Variants in CCDC71L observed in about 807,000 individuals in gnomAD.
CCDC71L encodes the protein coiled-coil domain containing 71 like.
A neutral mutation model predicts 10.2 loss-of-function variants in CCDC71L; 6 were observed. The observed-to-expected ratio is 0.59, with a 90% CI of 0.32 to 1.16. The LOEUF is 1.16. Among genes scored for constraint, CCDC71L ranks in the 50% most tolerant of loss-of-function variants. The pLI is 0.05. For missense variants in CCDC71L, 366 were observed against 383.4 expected (o/e 0.95, Z 0.38); for synonymous variants, 204 against 175.5 (o/e 1.16, Z -1.28).
In CCDC71L at chr7:106,660,629, G is replaced by T. The variant is rs1452339001; in HGVS notation, c.268C>A (p.Pro90Thr). 1 of 1,590,260 alleles carries T rather than the reference G, an allele frequency of 6.3e-7. No individual in the cohort carries two copies. Among genetic ancestry groups the T allele is most frequent in the African/African-American group, 1.3e-5 (1 of 74,136 alleles). ...FLCSLKHQFSPHILRSKDVYG... is the reference protein window; with the variant it reads ...FLCSLKHQFSTHILRSKDVYG... ...ACGTCCTTGCTGCGCAGGATGTGCG[G>T]GGAGAACTGGTGCTTGAGGCTGCAG... Residue 90 changes from proline to threonine, a missense_variant, in exon 1 of 1, where the codon CCG becomes ACG. Transcript: ENST00000523505. This position sits in a 1 kb window ranked among gnomAD's most constrained non-coding sequence, Gnocchi z 7.5.
chr7:106,660,433 G>A lies in CCDC71L; in HGVS notation c.464C>T (p.Pro155Leu), dbSNP rs1792571815. Residue 155 changes from proline to leucine, a missense_variant, in exon 1 of 1, where the codon CCG becomes CTG. Pro to Leu is a moderately conservative substitution (Grantham distance 98, BLOSUM62 -3). Coordinates refer to ENST00000523505, the MANE Select transcript of CCDC71L (RefSeq NM_175884.6). The surrounding 1 kb of genome is among the most constrained non-coding windows in gnomAD (Gnocchi z 7.5). Reference protein sequence around the residue: ...RKPRPPPPPPPPPEESCPAKP... With the variant: ...RKPRPPPPPPLPPEESCPAKP... Reference sequence around the variant, plus strand: ...GGCCGGGCAGCTCTCCTCGGGGGGCGGCGGCGGTGGGGGTGGCGGCCGGGG... The same window carrying A: ...GGCCGGGCAGCTCTCCTCGGGGGGCAGCGGCGGTGGGGGTGGCGGCCGGGG... The A allele has an allele frequency of 3.6e-5, 45 of 1,235,494 alleles. No homozygotes were observed. Among genetic ancestry groups the A allele is most frequent in the Non-Finnish European group, 4.5e-5 (45 of 990,686 alleles). 76.5% of individuals were successfully genotyped at this position (1,235,494 alleles called of 1,614,324 possible). A position where few individuals can be genotyped will look rare whatever the true frequency, so the allele number is the denominator to read the frequency against.
At position 106,660,171 on chromosome 7, in the gene CCDC71L, C is replaced by G; in HGVS notation, c.*18G>C. 1 of 1,513,620 alleles carries G rather than the reference C, an allele frequency of 6.6e-7. No homozygotes were observed. The highest frequency in any genetic ancestry group is 8.8e-7 in the Non-Finnish European group (1 of 1,142,192). The allele number at this position is 1,513,620 out of a possible 1,614,324, so 93.8% of individuals were successfully genotyped here. ...TCCCAAGGTCGGGGCCGGCAGGAGG[C>G]GCCCTGGAGGCCGCACCTCATGCCC... On this transcript the variant is annotated 3_prime_UTR_variant, in exon 1 of 1. Transcript: ENST00000523505. The surrounding 1 kb of genome is among the most constrained non-coding windows in gnomAD (Gnocchi z 7.5).
rs973989119 is a variant in CCDC71L, at chr7:106,656,363, G to A, written c.*3826C>T. On this transcript the variant is annotated 3_prime_UTR_variant, in exon 1 of 1. Transcript: ENST00000523505. ...AGCCCTGCCCTTATTCTGTGGAACA[G>A]CCCATACCACTGGTACTCAAATGGA... Among the ~76,000 whole-genome samples the A allele has an allele frequency of 2.6e-5, 4 of 152,108 alleles. No individual in the cohort carries two copies. The highest frequency in any genetic ancestry group is 7.2e-5 in the African/African-American group (3 of 41,420).
At position 106,658,331 on chromosome 7, in the gene CCDC71L, T is replaced by C. The variant is rs1210613933; in HGVS notation, c.*1858A>G. The stretch of plus-strand genomic sequence containing the variant: ...TAGTGAATAAAAGACTGAGGCTTAC[T>C]AGAAAACTGGCATCAAGTTATATAT... On this transcript the variant is annotated 3_prime_UTR_variant, in exon 1 of 1. Coordinates refer to ENST00000523505, the MANE Select transcript of CCDC71L (RefSeq NM_175884.6). The C allele has an allele frequency of 2.0e-5, 3 of 152,188 alleles. No homozygotes were observed. The highest frequency in any genetic ancestry group is 1.9e-4 in the East Asian group (1 of 5,202). The allele number at this position is 152,188 out of a possible 1,614,324, so 9.4% of individuals were successfully genotyped here.
chr7:106,660,965 G>C lies in CCDC71L; in HGVS notation c.-69C>G. The C allele has an allele frequency of 7.7e-7, 1 of 1,298,154 alleles. No homozygotes were observed. The highest frequency in any genetic ancestry group is 9.8e-7 in the Non-Finnish European group (1 of 1,025,246). 80.4% of individuals were successfully genotyped at this position (1,298,154 alleles called of 1,614,324 possible). A position where few individuals can be genotyped will look rare whatever the true frequency, so the allele number is the denominator to read the frequency against. On this transcript the variant is annotated 5_prime_UTR_variant, in exon 1 of 1. Transcript: ENST00000523505. This position sits in a 1 kb window ranked among gnomAD's most constrained non-coding sequence, Gnocchi z 7.5. ...TGCCGCCGCCGTCCCAGTCCGCGTT[G>C]GCTCCGCGGCGGCGGCTGCTGCTGG...
chr7:106,659,210 T>C lies in CCDC71L; in HGVS notation c.*979A>G, dbSNP rs1021402984. 6 of 152,144 alleles carry C rather than the reference T, an allele frequency of 3.9e-5. No individual in the cohort carries two copies. Among genetic ancestry groups the C allele is most frequent in the African/African-American group, 1.4e-4 (6 of 41,444 alleles). 9.4% of individuals were successfully genotyped at this position (152,144 alleles called of 1,614,324 possible). On this transcript the variant is annotated 3_prime_UTR_variant, in exon 1 of 1. Transcript: ENST00000523505. ...CTTGTAAAATACATTACAAGGATAA[T>C]GTATTTTAAAATACTTTAACGCATA...
At position 106,658,874 on chromosome 7, in the gene CCDC71L, A is replaced by G. The variant is rs1048915283; in HGVS notation, c.*1315T>C. Reference sequence around the variant, plus strand: ...AAAGACCTAGAACTGCAAACATATAATGAGTGGCAAAAAGGTTAAAAAAAA... The same window carrying G: ...AAAGACCTAGAACTGCAAACATATAGTGAGTGGCAAAAAGGTTAAAAAAAA... On this transcript the variant is annotated 3_prime_UTR_variant, in exon 1 of 1. Transcript: ENST00000523505. 1 of 152,594 alleles carries G rather than the reference A, an allele frequency of 6.6e-6. No homozygotes were observed. The highest frequency in any genetic ancestry group is 6.5e-5 in the Admixed American group (1 of 15,280). 9.5% of individuals were successfully genotyped at this position (152,594 alleles called of 1,614,324 possible). A position where few individuals can be genotyped will look rare whatever the true frequency, so the allele number is the denominator to read the frequency against.
At position 106,660,915 on chromosome 7, in the gene CCDC71L, A is replaced by C. The variant is rs1792587133; in HGVS notation, c.-19T>G. On this transcript the variant is annotated 5_prime_UTR_variant, in exon 1 of 1. Coordinates refer to ENST00000523505, the MANE Select transcript of CCDC71L (RefSeq NM_175884.6). The surrounding 1 kb of genome is among the most constrained non-coding windows in gnomAD (Gnocchi z 7.5). ...GCCGCATCGAAGGCCGCTCCGGGCC[A>C]CTCACGCTCGCCGGGTCCCACTACT... The C allele has an allele frequency of 7.4e-7, 1 of 1,346,010 alleles. No individual in the cohort carries two copies. Among genetic ancestry groups the C allele is most frequent in the Non-Finnish European group, 9.5e-7 (1 of 1,052,484 alleles). The allele number at this position is 1,346,010 out of a possible 1,614,324, so 83.4% of individuals were successfully genotyped here.
rs1792542427 is a variant in CCDC71L, at chr7:106,659,161, A to C, written c.*1028T>G. ...TACACACATCCATCTCTCCTATGCA[A>C]CTCCCATTTTAAAATACATTATCCT... On this transcript the variant is annotated 3_prime_UTR_variant, in exon 1 of 1. Transcript: ENST00000523505. 1 of 151,996 alleles carries C rather than the reference A, an allele frequency of 6.6e-6. No homozygotes were observed. The highest frequency in any genetic ancestry group is 6.6e-5 in the Admixed American group (1 of 15,254). The allele number at this position is 151,996 out of a possible 1,614,324, so 9.4% of individuals were successfully genotyped here. A position where few individuals can be genotyped will look rare whatever the true frequency, so the allele number is the denominator to read the frequency against.
At position 106,660,162 on chromosome 7, in the gene CCDC71L, G is replaced by A. The variant is rs768180032; in HGVS notation, c.*27C>T. ...GAAGGCCTGTCCCAAGGTCGGGGCC[G>A]GCAGGAGGCGCCCTGGAGGCCGCAC... On this transcript the variant is annotated 3_prime_UTR_variant, in exon 1 of 1. Coordinates refer to ENST00000523505, the MANE Select transcript of CCDC71L (RefSeq NM_175884.6). This position sits in a 1 kb window ranked among gnomAD's most constrained non-coding sequence, Gnocchi z 7.5. The A allele has an allele frequency of 4.7e-5, 70 of 1,502,384 alleles. No homozygotes were observed. Among genetic ancestry groups the A allele is most frequent in the Middle Eastern group, 2.4e-4 (1 of 4,202 alleles). The allele number at this position is 1,502,384 out of a possible 1,614,324, so 93.1% of individuals were successfully genotyped here.
At position 106,660,610 on chromosome 7, in the gene CCDC71L, T is replaced by C. The variant is rs1377903683; in HGVS notation, c.287A>G (p.Lys96Arg). The part of the protein sequence containing the change: ...HQFSPHILRS[K>R]DVYGYSSCRA... Reference sequence around the variant, plus strand: ...GCAGGAGGAGTAGCCGTAGACGTCCTTGCTGCGCAGGATGTGCGGGGAGAA... The same window carrying C: ...GCAGGAGGAGTAGCCGTAGACGTCCCTGCTGCGCAGGATGTGCGGGGAGAA... Residue 96 changes from lysine (K) to arginine (R), a missense_variant, in exon 1 of 1, where the codon AAG becomes AGG. Lys to Arg is a conservative substitution (Grantham distance 26). Coordinates refer to ENST00000523505, the MANE Select transcript of CCDC71L (RefSeq NM_175884.6). The surrounding 1 kb of genome is among the most constrained non-coding windows in gnomAD (Gnocchi z 7.5). 2.5e-6 allele frequency: 4 copies of C among 1,586,042 alleles called. No homozygotes were observed. Among genetic ancestry groups the C allele is most frequent in the Non-Finnish European group, 2.6e-6 (3 of 1,167,050 alleles).
Position 106,660,343 on chromosome 7 carries a change from G to T in CCDC71L, c.554C>A (p.Thr185Asn), listed in dbSNP as rs1413761246. ...RTLEEIWRAA[T>N]PTLTTFPTIR... ...GGTGGGGAAGGTGGTCAGCGTCGGGGTGGCCGCCCTCCAGATCTCCTCCAA... is the reference window on the plus strand; with the variant it reads ...GGTGGGGAAGGTGGTCAGCGTCGGGTTGGCCGCCCTCCAGATCTCCTCCAA... Residue 185 changes from threonine (T) to asparagine (N), a missense_variant, in exon 1 of 1, where the codon ACC (threonine) becomes AAC (asparagine). Thr to Asn is a moderately conservative substitution (Grantham distance 65, BLOSUM62 0). Transcript: ENST00000523505. This position sits in a 1 kb window ranked among gnomAD's most constrained non-coding sequence, Gnocchi z 7.5. 6.8e-7 allele frequency: 1 copy of T among 1,476,214 alleles called. No individual in the cohort carries two copies. Among genetic ancestry groups the T allele is most frequent in the Non-Finnish European group, 8.9e-7 (1 of 1,122,028 alleles). The allele number at this position is 1,476,214 out of a possible 1,614,324, so 91.4% of individuals were successfully genotyped here. A position where few individuals can be genotyped will look rare whatever the true frequency, so the allele number is the denominator to read the frequency against.
Position 106,660,181 on chromosome 7 carries a change from G to T in CCDC71L, c.*8C>A. Reference sequence around the variant, plus strand: ...GGGGCCGGCAGGAGGCGCCCTGGAGGCCGCACCTCATGCCCGGGGCACCGG... The same window carrying T: ...GGGGCCGGCAGGAGGCGCCCTGGAGTCCGCACCTCATGCCCGGGGCACCGG... On this transcript the variant is annotated 3_prime_UTR_variant, in exon 1 of 1. Coordinates refer to ENST00000523505, the MANE Select transcript of CCDC71L (RefSeq NM_175884.6). The surrounding 1 kb of genome is among the most constrained non-coding windows in gnomAD (Gnocchi z 7.5). 1.9e-6 allele frequency: 3 copies of T among 1,540,798 alleles called. No individual in the cohort carries two copies. Among genetic ancestry groups the T allele is most frequent in the Non-Finnish European group, 2.6e-6 (3 of 1,154,318 alleles).
chr7:106,657,214 A>G lies in CCDC71L; in HGVS notation c.*2975T>C. The G allele has an allele frequency of 6.6e-6, 1 of 152,214 alleles. No individual in the cohort carries two copies. Among genetic ancestry groups the G allele is most frequent in the East Asian group, 1.9e-4 (1 of 5,204 alleles). 9.4% of individuals were successfully genotyped at this position (152,214 alleles called of 1,614,324 possible). A position where few individuals can be genotyped will look rare whatever the true frequency, so the allele number is the denominator to read the frequency against. ...ACAACAGCGACACTTTGCACTATCA[A>G]CAATGAAGCTTGCCCTCAACAATTA... On this transcript the variant is annotated 3_prime_UTR_variant, in exon 1 of 1. Coordinates refer to ENST00000523505, the MANE Select transcript of CCDC71L (RefSeq NM_175884.6).
Position 106,660,593 on chromosome 7 carries a change from A to T in CCDC71L, c.304T>A (p.Ser102Thr). 6.4e-7 allele frequency: 1 copy of T among 1,570,682 alleles called. No individual in the cohort carries two copies. The highest frequency in any genetic ancestry group is 8.6e-7 in the Non-Finnish European group (1 of 1,159,952). Reference protein sequence around the residue: ...ILRSKDVYGYSSCRALVPDPP... With the variant: ...ILRSKDVYGYTSCRALVPDPP... ...TCGGGTACCAGGGCCCGGCAGGAGG[A>T]GTAGCCGTAGACGTCCTTGCTGCGC... The change falls in exon 1 of 1, where the codon TCC (serine) becomes ACC (threonine). Residue 102 changes from serine (S) to threonine (T), a missense_variant. By Grantham distance (58) the Ser-to-Thr change is moderately conservative. Coordinates refer to ENST00000523505, the MANE Select transcript of CCDC71L (RefSeq NM_175884.6). This position sits in a 1 kb window ranked among gnomAD's most constrained non-coding sequence, Gnocchi z 7.5.
In CCDC71L at chr7:106,660,879, C is replaced by A; in HGVS notation, c.18G>T (p.Lys6Asn). The part of the protein sequence containing the change: MRRSM[K>N]RRRRRRPVAP... ...CGACCGGGCGCCGGCGCCGCCGCCT[C>A]TTCATACTGCGCCGCATCGAAGGCC... The change falls in exon 1 of 1, where the codon AAG becomes AAT. Residue 6 changes from lysine (K) to asparagine (N), a missense_variant. By Grantham distance (94) the Lys-to-Asn change is moderately conservative. Transcript: ENST00000523505. This position sits in a 1 kb window ranked among gnomAD's most constrained non-coding sequence, Gnocchi z 7.5. 1.4e-6 allele frequency: 2 copies of A among 1,451,486 alleles called. No individual in the cohort carries two copies. Among genetic ancestry groups the A allele is most frequent in the Non-Finnish European group, 1.8e-6 (2 of 1,109,376 alleles). The allele number at this position is 1,451,486 out of a possible 1,614,324, so 89.9% of individuals were successfully genotyped here.
Position 106,656,627 on chromosome 7 carries a change from A to C in CCDC71L, c.*3562T>G, listed in dbSNP as rs1244141285. 1 of 152,170 alleles carries C rather than the reference A, an allele frequency of 6.6e-6. No individual in the cohort carries two copies. Among genetic ancestry groups the C allele is most frequent in the Non-Finnish European group, 1.5e-5 (1 of 68,016 alleles). 9.4% of individuals were successfully genotyped at this position (152,170 alleles called of 1,614,324 possible). A position where few individuals can be genotyped will look rare whatever the true frequency, so the allele number is the denominator to read the frequency against. ...GACTCCCGAGATAGCACAAAAAACAAATCTCGAGATTTCTGGGAATTTGAA... is the reference window on the plus strand; with the variant it reads ...GACTCCCGAGATAGCACAAAAAACACATCTCGAGATTTCTGGGAATTTGAA... On this transcript the variant is annotated 3_prime_UTR_variant, in exon 1 of 1. Transcript: ENST00000523505.
In CCDC71L at chr7:106,660,257, G is replaced by C; in HGVS notation, c.640C>G (p.Arg214Gly). The C allele has an allele frequency of 6.4e-7, 1 of 1,572,802 alleles. No individual in the cohort carries two copies. Among genetic ancestry groups the C allele is most frequent in the South Asian group, 1.1e-5 (1 of 89,084 alleles). ...RSLAAARRRA[R>G]QVLRVNLEPM... The stretch of plus-strand genomic sequence containing the variant: ...TCCAGGTTCACTCGCAGGACCTGGC[G>C]CGCCCTGCGCCGCGCTGCCGCCAGG... Residue 214 changes from arginine to glycine, a missense_variant, in exon 1 of 1, where the codon CGC becomes GGC. Physicochemically the swap from Arg to Gly is moderately radical, Grantham distance 125. Coordinates refer to ENST00000523505, the MANE Select transcript of CCDC71L (RefSeq NM_175884.6). This position sits in a 1 kb window ranked among gnomAD's most constrained non-coding sequence, Gnocchi z 7.5.
chr7:106,660,276 C>T lies in CCDC71L; in HGVS notation c.621G>A (p.Ala207=), dbSNP rs1381845458. ...CCTGGCGCGCCCTGCGCCGCGCTGC[C>T]GCCAGGCTGCGCTCGCCCCACACGT... The part of the protein sequence containing the change: ...GSDVWGERSL[A]AARRRARQVL... Residue 207 remains alanine, a synonymous_variant, in exon 1 of 1, where the codon GCG becomes GCA. Transcript: ENST00000523505. The surrounding 1 kb of genome is among the most constrained non-coding windows in gnomAD (Gnocchi z 7.5). 5 of 1,566,840 alleles carry T rather than the reference C, an allele frequency of 3.2e-6. No homozygotes were observed. The highest frequency in any genetic ancestry group is 1.4e-5 in the African/African-American group (1 of 71,516).
Sources: gnomAD v4.1 joint callset for allele counts (sites outside exome capture counted in the v4.1 genomes callset) on GRCh38, gnomAD v4.1.1 for gene constraint, Gnocchi (gnomAD v3.1) non-coding constraint, MANE v1.5 for transcripts, NCBI Gene and HGNC (gene_info 2026-07-23, HGNC 2026-07-21) for gene names.